LUC7L2: variants seen among roughly 807,000 people sequenced by gnomAD.
The protein encoded by LUC7L2 is putative RNA-binding protein Luc7-like 2.
Under a neutral mutation model 52.8 loss-of-function variants are expected in LUC7L2, and 25 were observed. The ratio of observed to expected loss-of-function variants is 0.47; its 90% CI spans 0.34 to 0.66. The LOEUF is 0.66. Among genes scored for constraint, LUC7L2 ranks in the 30% least tolerant of loss-of-function variants. The pLI is 0.01. For missense variants in LUC7L2, 328 were observed against 497.8 expected (o/e 0.66, Z 3.25); for synonymous variants, 144 against 160.9 (o/e 0.89, Z 0.80).
chr7:139,410,301 T>A (rs920858072), intron 7 of LUC7L2, among the ~76,000 whole-genome samples: 1 of 105,974 alleles, frequency 9.4e-6, no homozygotes, highest in African/African-American at 3.2e-5. Flanking sequence ...AATTATTATT[T>A]TTTTTTTATG....
At chr7:139,365,039 T>C (rs919162094) in intron 1 of LUC7L2, among the ~76,000 whole-genome samples, 2 of 152,104 alleles carry the variant, frequency 1.3e-5, no homozygotes, top group African/African-American at 4.8e-5. Context: ...ATATAAGGAG[T>C]TTTATAGGAT....
At chr7:139,364,481 C>G (rs73472671) in intron 1 of LUC7L2, among the ~76,000 whole-genome samples, 14,993 of 152,080 alleles carry the variant, frequency 0.099, 2,509 homozygotes, top group African/African-American at 0.35. Flanking sequence ...TTAAAACTTT[C>G]AATAATTTTA....
upstream of LUC7L2, among the ~76,000 whole-genome samples, chr7:139,355,182 G>A (rs1293958752): frequency 6.6e-6 from 1 of 151,850 alleles, no homozygotes; most frequent in African/African-American, 2.4e-5. Context: ...CAGACTTTCC[G>A]CCCAGATTTT....
chr7:139,407,093 G>T (rs1795165369), intron 5 of LUC7L2, 81 bp from the exon 6 acceptor site: 1 of 1,266,074 alleles, frequency 7.9e-7, no homozygotes, highest in African/African-American at 1.8e-5. Context: ...AACACTTTTG[G>T]TATAAGCATA....
At chr7:139,362,368 T>G (rs1417681372) in intron 1 of LUC7L2, among the ~76,000 whole-genome samples, 1 of 152,162 alleles carries the variant, frequency 6.6e-6, no homozygotes, top group African/African-American at 2.4e-5. Flanking sequence ...GATTCAGGAC[T>G]TTTAATAATT....
intron 1 of LUC7L2, 82 bp downstream of exon 1, chr7:139,360,404 C>A: frequency 7.4e-7 from 1 of 1,359,976 alleles, no homozygotes; most frequent in Non-Finnish European, 1.0e-6. Flanking sequence ...CACCTGGGCG[C>A]GCGCGTGTGG....
intron 1 of LUC7L2, among the ~76,000 whole-genome samples, chr7:139,360,937 CGA>C (rs942386731): frequency 8.5e-5 from 13 of 152,218 alleles, no homozygotes; most frequent in Non-Finnish European, 1.5e-4. Flanking sequence ...CCTGTTTTTC[CGA>C]GAGACCTCCA....
At chr7:139,364,429 A>G (rs1174512076) in intron 1 of LUC7L2, among the ~76,000 whole-genome samples, 2 of 152,194 alleles carry the variant, frequency 1.3e-5, no homozygotes, top group African/African-American at 4.8e-5. Context: ...ATTTTATAGC[A>G]TCATTAATTG....
chr7:139,355,761 T>G (rs184489903), upstream of LUC7L2, among the ~76,000 whole-genome samples: 2 of 152,304 alleles, frequency 1.3e-5, no homozygotes. Context: ...GAAAACTATC[T>G]AATATGCATG....
intron 3 of LUC7L2, among the ~76,000 whole-genome samples, chr7:139,400,716 T>TC (rs1336072429): frequency 6.6e-6 from 1 of 152,188 alleles, no homozygotes; most frequent in Non-Finnish European, 1.5e-5. Context: ...AGCTACTTAG[T>TC]CACCCAACAC....
chr7:139,395,058 AG>A (rs1794600938), intron 2 of LUC7L2, among the ~76,000 whole-genome samples: 1 of 152,232 alleles, frequency 6.6e-6, no homozygotes, highest in African/African-American at 2.4e-5. Flanking sequence ...TGGATCAAAA[AG>A]TCTTTCCAAC....
intron 1 of LUC7L2, among the ~76,000 whole-genome samples, chr7:139,365,184 CTGAA>C (rs1490081836): frequency 6.6e-6 from 1 of 152,080 alleles, no homozygotes; most frequent in African/African-American, 2.4e-5. Flanking sequence ...ATTTTGAACT[CTGAA>C]TAATATTTCT....
At position 139,360,049 on chromosome 7, in the gene LUC7L2, G is replaced by A; in HGVS notation, c.-213G>A. 1 of 539,072 alleles carries A rather than the reference G, an allele frequency of 1.9e-6. No individual in the cohort carries two copies. 33.4% of individuals were successfully genotyped at this position (539,072 alleles called of 1,614,324 possible). A position where few individuals can be genotyped will look rare whatever the true frequency, so the allele number is the denominator to read the frequency against. On this transcript the variant is annotated 5_prime_UTR_variant, in exon 1 of 10. Coordinates refer to ENST00000354926, the MANE Select transcript of LUC7L2 (RefSeq NM_016019.5). ...GGAGAGTGAGGGCACGAGGGTCGCT[G>A]TCGGGGGCTGTCGTCTTCCACGTAC...
At chr7:139,398,215 G>T (rs957536187) in intron 2 of LUC7L2, among the ~76,000 whole-genome samples, 1 of 152,146 alleles carries the variant, frequency 6.6e-6, no homozygotes, top group Non-Finnish European at 1.5e-5. Context: ...GTTCTTCAAA[G>T]CACATTGACA....
chr7:139,366,137 A>C (rs1800142479), intron 1 of LUC7L2, among the ~76,000 whole-genome samples: 2 of 152,236 alleles, frequency 1.3e-5, no homozygotes, highest in Admixed American at 1.3e-4. Flanking sequence ...TAAATGTCAT[A>C]TTTTGCTATT....
intron 6 of LUC7L2, among the ~76,000 whole-genome samples, chr7:139,407,963 G>T (rs1351957800): frequency 6.6e-6 from 1 of 152,186 alleles, no homozygotes; most frequent in Admixed American, 6.5e-5. Flanking sequence ...AAAGATGAGT[G>T]TTGGTGGATA....
At chr7:139,343,491 A>G (rs1034223078) in intron 1 of LUC7L2, among the ~76,000 whole-genome samples, 6 of 152,170 alleles carry the variant, frequency 3.9e-5, no homozygotes, top group Admixed American at 3.9e-4. Flanking sequence ...TGAGAGGATC[A>G]CTTGAGCCCA....
rs978635191 is a variant in LUC7L2, at chr7:139,366,159, G to T, written c.61+5837G>T. Among the ~76,000 whole-genome samples, 5 of 152,276 alleles carry T rather than the reference G, an allele frequency of 3.3e-5. No individual in the cohort carries two copies. In the South Asian group the frequency reaches 8.3e-4, roughly 25 times the overall value. On this transcript the variant is annotated intron_variant, in intron 1 of 9. Transcript: ENST00000354926. The stretch of plus-strand genomic sequence containing the variant: ...CATATTTTGCTATTAGCATAGAAAA[G>T]AATCTTTAAAACTTCTTTCCAAAAA...
chr7:139,395,197 C>T (rs567964101), intron 2 of LUC7L2, among the ~76,000 whole-genome samples: 2 of 152,166 alleles, frequency 1.3e-5, no homozygotes, highest in Admixed American at 6.5e-5. Flanking sequence ...ATTTCAGAAA[C>T]GTACTGCCTG....
Sources: gnomAD v4.1 joint callset for allele counts (sites outside exome capture counted in the v4.1 genomes callset) on GRCh38, gnomAD v4.1.1 for gene constraint, MANE v1.5 for transcripts, NCBI Gene and HGNC (gene_info 2026-07-23, HGNC 2026-07-21) for gene names.